SCFD2: variants seen among roughly 807,000 people sequenced by gnomAD.
SCFD2 encodes sec1 family domain-containing protein 2.
Under a neutral mutation model 58.9 loss-of-function variants are expected in SCFD2, and 54 were observed. The ratio of observed to expected loss-of-function variants is 0.92; its 90% confidence interval spans 0.74 to 1.15. The LOEUF (loss-of-function observed/expected upper bound fraction) is 1.15, where lower values mean the gene tolerates loss of function less well. Among genes scored for constraint, SCFD2 ranks in the 50% most tolerant of loss-of-function variants. SCFD2 has a pLI of 0.00. For missense variants in SCFD2, 805 were observed against 836.6 expected, an observed-to-expected ratio of 0.96 and a Z score of 0.47; for synonymous variants, 321 against 335.9, an observed-to-expected ratio of 0.96 and a Z score of 0.49.
At chr4:52,916,821 T>A (rs1008050119) in intron 6 of SCFD2, among the ~76,000 whole-genome samples, 3 of 152,232 alleles carry the variant, frequency 2.0e-5, no homozygotes, top group Non-Finnish European at 4.4e-5. Context: ...AGGCCTCTTT[T>A]GTTCTTTACT....
intron 5 of SCFD2, among the ~76,000 whole-genome samples, chr4:53,024,277 A>G (rs1036385635): frequency 2.6e-5 from 4 of 152,182 alleles, no homozygotes; most frequent in African/African-American, 9.7e-5. Flanking sequence ...GGCTGGCTCA[A>G]TCTTTTCTTA....
chr4:53,315,011 G>C (rs1732813123), intron 2 of SCFD2, among the ~76,000 whole-genome samples: 1 of 152,070 alleles, frequency 6.6e-6, no homozygotes, highest in Non-Finnish European at 1.5e-5. Flanking sequence ...AAAAAGCTTT[G>C]AATGGCATAG....
chr4:53,197,804 A>C lies in SCFD2; in HGVS notation c.1312-52222T>G, dbSNP rs186189769. ...TTCATCTTGCTCTAAAATGAAATGC[A>C]GAGCTGGTTTATAAACACAAGTCAA... On this transcript the variant is annotated intron_variant, in intron 4 of 8. Transcript: ENST00000401642. 2.6e-3 allele frequency among the ~76,000 whole-genome samples: 398 copies of C among 151,800 alleles called. 1 individual carries two copies. The highest frequency in any genetic ancestry group is 9.2e-3 in the African/African-American group (380 of 41,456).
At chr4:53,251,478 T>A (rs1730378092) in intron 4 of SCFD2, among the ~76,000 whole-genome samples, 1 of 152,040 alleles carries the variant, frequency 6.6e-6, no homozygotes, top group East Asian at 1.9e-4. Context: ...GATGCAAAAA[T>A]CCTCAATAAA....
intron 3 of SCFD2, among the ~76,000 whole-genome samples, chr4:53,283,073 C>G (rs1345043383): frequency 6.6e-6 from 1 of 152,084 alleles, no homozygotes; most frequent in African/African-American, 2.4e-5. Context: ...ATATACGGTT[C>G]AAATAATTTT....
intron 5 of SCFD2, among the ~76,000 whole-genome samples, chr4:53,015,977 C>T (rs1722203642): frequency 6.6e-6 from 1 of 152,202 alleles, no homozygotes; most frequent in African/African-American, 2.4e-5. Flanking sequence ...GACTGAAGTT[C>T]CAAAATAAAT....
chr4:53,323,530 A>ATTTTTTTTTTTTT (rs1201482656), intron 2 of SCFD2, among the ~76,000 whole-genome samples: 1 of 106,764 alleles, frequency 9.4e-6, no homozygotes. Context: ...TGCCCAGCTA[A>ATTTTTTTTTTTTT]TTTTTTTTTT....
intron 7 of SCFD2, among the ~76,000 whole-genome samples, chr4:52,900,179 T>C (rs1719148543): frequency 1.3e-5 from 2 of 152,234 alleles, no homozygotes; most frequent in African/African-American, 4.8e-5. Context: ...CCAGTTTTGT[T>C]CCGTTGCTGG....
chr4:52,900,594 C>A (rs898862423), intron 7 of SCFD2, among the ~76,000 whole-genome samples: 1 of 152,180 alleles, frequency 6.6e-6, no homozygotes, highest in South Asian at 2.1e-4. Context: ...GGTCAGGGAC[C>A]CACTTGAGGA....
At chr4:53,221,915 C>CA (rs1484032940) in intron 4 of SCFD2, among the ~76,000 whole-genome samples, 3 of 152,190 alleles carry the variant, frequency 2.0e-5, no homozygotes, top group Non-Finnish European at 4.4e-5. Context: ...ACCACAACAA[C>CA]AAAATACTAC....
intron 4 of SCFD2, among the ~76,000 whole-genome samples, chr4:53,263,380 T>C (rs1055352082): frequency 2.1e-4 from 32 of 152,306 alleles, no homozygotes; most frequent in African/African-American, 5.3e-4. Flanking sequence ...AGGTAAACTA[T>C]GTCAGAGGGA....
intron 5 of SCFD2, among the ~76,000 whole-genome samples, chr4:53,066,651 C>T (rs1577700050): frequency 6.6e-6 from 1 of 152,000 alleles, no homozygotes; most frequent in Non-Finnish European, 1.5e-5. Context: ...CCCCACCCAA[C>T]CAACAATATT....
chr4:53,075,767 CAATTAT>C (rs1723953943), intron 5 of SCFD2, among the ~76,000 whole-genome samples: 1 of 152,170 alleles, frequency 6.6e-6, no homozygotes, highest in Admixed American at 6.5e-5. Context: ...TGCCCCCAAA[CAATTAT>C]AATTGTAACA....
At chr4:53,000,647 C>T (rs1721842956) in intron 5 of SCFD2, among the ~76,000 whole-genome samples, 1 of 152,214 alleles carries the variant, frequency 6.6e-6, no homozygotes, top group South Asian at 2.1e-4. Context: ...CTTGGCCTAT[C>T]TTCCAGGCCA....
chr4:53,263,888 C>T (rs974074138), intron 4 of SCFD2, among the ~76,000 whole-genome samples: 3 of 152,146 alleles, frequency 2.0e-5, no homozygotes, highest in Non-Finnish European at 4.4e-5. Context: ...CTTTGGCAAC[C>T]AGGGCTGGTA....
intron 4 of SCFD2, among the ~76,000 whole-genome samples, chr4:53,248,519 C>G (rs1457530202): frequency 6.6e-6 from 1 of 152,178 alleles, no homozygotes; most frequent in East Asian, 1.9e-4. Flanking sequence ...ACTTAAATGT[C>G]CCTGTCTGAC....
chr4:53,343,793 T>C (rs538027590), intron 2 of SCFD2, among the ~76,000 whole-genome samples: 6 of 152,128 alleles, frequency 3.9e-5, no homozygotes, highest in Non-Finnish European at 7.3e-5. Context: ...GCAAGGCTGG[T>C]TCAACATATG....
chr4:52,952,736 C>T (rs1720629157), intron 5 of SCFD2, among the ~76,000 whole-genome samples: 1 of 152,112 alleles, frequency 6.6e-6, no homozygotes, highest in Admixed American at 6.5e-5. Flanking sequence ...TACAGCATTA[C>T]AATCTGTTAG....
chr4:53,274,411 A>G (rs1731267805), intron 3 of SCFD2, among the ~76,000 whole-genome samples: 1 of 152,190 alleles, frequency 6.6e-6, no homozygotes, highest in South Asian at 2.1e-4. Context: ...TTGTGTGTGT[A>G]TGTACCTAAA....
Sources: gnomAD v4.1 joint callset for allele counts (sites outside exome capture counted in the v4.1 genomes callset) on GRCh38, gnomAD v4.1.1 for gene constraint, MANE v1.5 for transcripts, NCBI Gene and HGNC (gene_info 2026-07-23, HGNC 2026-07-21) for gene names.